MYO3B: variants seen among roughly 807,000 people sequenced by gnomAD.
MYO3B encodes myosin IIIB.
A neutral mutation model predicts 174.6 loss-of-function variants in MYO3B; 156 were observed. The ratio of observed to expected loss-of-function variants is 0.89; its 90% CI spans 0.78 to 1.02. The LOEUF is 1.02. Ranked by LOEUF, MYO3B falls within the 50% of genes least tolerant of loss-of-function variation. The pLI, the probability that MYO3B is intolerant of heterozygous loss-of-function variation, is 0.00. For missense variants in MYO3B, 1,632 were observed against 1,639.4 expected (o/e 1.00, Z 0.08); for synonymous variants, 563 against 569.1 (o/e 0.99, Z 0.15).
intron 30 of MYO3B, among the ~76,000 whole-genome samples, chr2:170,525,040 C>A (rs376178984): frequency 1.3e-5 from 2 of 152,066 alleles, no homozygotes; most frequent in East Asian, 3.9e-4. Flanking sequence ...TGTCTCTATA[C>A]CTGTCATTGT....
intron 8 of MYO3B, among the ~76,000 whole-genome samples, chr2:170,342,886 T>A (rs73975607): frequency 0.059 from 8,957 of 152,144 alleles, 478 homozygotes; most frequent in African/African-American, 0.14. Context: ...ACCCTTTGCA[T>A]TTGGTCTGTG....
intron 22 of MYO3B, among the ~76,000 whole-genome samples, chr2:170,424,558 A>C (rs1326833504): frequency 1.3e-5 from 2 of 152,246 alleles, no homozygotes; most frequent in East Asian, 3.9e-4. Flanking sequence ...TGGAGGTTGC[A>C]GTGAACCAAG....
At chr2:170,436,336 T>C (rs997696841) in intron 22 of MYO3B, among the ~76,000 whole-genome samples, 2 of 152,180 alleles carry the variant, frequency 1.3e-5, no homozygotes, top group African/African-American at 4.8e-5. Flanking sequence ...ATGGAAACTT[T>C]GGTTATGTTT....
intron 30 of MYO3B, among the ~76,000 whole-genome samples, chr2:170,522,519 C>T (rs1295661565): frequency 6.6e-6 from 1 of 152,238 alleles, no homozygotes; most frequent in African/African-American, 2.4e-5. Context: ...TCATTTCTCA[C>T]ACCTGATCAA....
rs2094504216 is a variant in MYO3B, at chr2:170,405,569, G to A, written c.2456G>A (p.Cys819Tyr). ...GATAAATTTGAAGATAATCTACGAT[G>A]CAAATACTTCTGGAGGCCCAAAGGA... ...LVDKFEDNLR[C>Y]KYFWRPKGVE... The change falls in exon 21 of 35, where the codon TGC becomes TAC. Residue 819 changes from cysteine (C) to tyrosine (Y), a missense_variant. Transcript: ENST00000408978. 6.2e-7 allele frequency: 1 copy of A among 1,614,124 alleles called. No individual in the cohort carries two copies. The highest frequency in any genetic ancestry group is 1.1e-5 in the South Asian group (1 of 91,068).
At chr2:170,245,286 T>C (rs2093177613) in intron 7 of MYO3B, among the ~76,000 whole-genome samples, 1 of 152,106 alleles carries the variant, frequency 6.6e-6, no homozygotes, top group South Asian at 2.1e-4. Context: ...TGGTGAACTG[T>C]ATAGGCTGAA....
At chr2:170,407,541 A>T (rs1167567644) in intron 21 of MYO3B, among the ~76,000 whole-genome samples, 174 bp from the exon 22 acceptor site, 1 of 140,564 alleles carries the variant, frequency 7.1e-6, no homozygotes, top group Non-Finnish European at 1.6e-5. Flanking sequence ...AAGTTAAGAT[A>T]AACTGGTCTG....
intron 32 of MYO3B, among the ~76,000 whole-genome samples, chr2:170,566,520 G>A (rs980523731): frequency 6.6e-6 from 1 of 152,116 alleles, no homozygotes; most frequent in Non-Finnish European, 1.5e-5. Flanking sequence ...TGCTTACCCA[G>A]GTAACTAAAT....
chr2:170,650,160 G>A (rs1698896698), intron 32 of MYO3B, among the ~76,000 whole-genome samples: 1 of 149,448 alleles, frequency 6.7e-6, no homozygotes, highest in Non-Finnish European at 1.5e-5. Flanking sequence ...AGCCTCTCAA[G>A]CAGCTGGGAC....
chr2:170,387,984 G>A (rs1319394023), intron 14 of MYO3B, among the ~76,000 whole-genome samples: 1 of 151,942 alleles, frequency 6.6e-6, no homozygotes, highest in Non-Finnish European at 1.5e-5. Context: ...CACTGGTGTG[G>A]TACATACTAT....
chr2:170,457,435 TTC>T (rs966384232), intron 23 of MYO3B, among the ~76,000 whole-genome samples: 2 of 152,098 alleles, frequency 1.3e-5, no homozygotes, highest in African/African-American at 4.8e-5. Context: ...TACAAAAATC[TTC>T]TTTCTTTATA....
chr2:170,585,073 C>G (rs1693412465), intron 32 of MYO3B, among the ~76,000 whole-genome samples: 1 of 152,170 alleles, frequency 6.6e-6, no homozygotes, highest in South Asian at 2.1e-4. Context: ...AGTCCCACCT[C>G]CAGAGATTCT....
At chr2:170,417,543 G>A in intron 22 of MYO3B, among the ~76,000 whole-genome samples, 1 of 152,216 alleles carries the variant, frequency 6.6e-6, no homozygotes, top group Non-Finnish European at 1.5e-5. Flanking sequence ...GAAATGTATT[G>A]TCCTTGTTCT....
intron 22 of MYO3B, among the ~76,000 whole-genome samples, chr2:170,436,024 C>T (rs2094750820): frequency 6.6e-6 from 1 of 152,200 alleles, no homozygotes. Flanking sequence ...TGTCTTCAGA[C>T]CACTTGTGTC....
intron 7 of MYO3B, among the ~76,000 whole-genome samples, chr2:170,248,594 T>C (rs181117755): frequency 6.6e-6 from 1 of 152,314 alleles, no homozygotes; most frequent in Non-Finnish European, 1.5e-5. Context: ...CTTTTCCAGC[T>C]TCTAGAAGTT....
chr2:170,529,744 C>G (rs940881539), intron 30 of MYO3B, among the ~76,000 whole-genome samples: 26 of 152,120 alleles, frequency 1.7e-4, no homozygotes, highest in Admixed American at 1.5e-3. Context: ...AAAATGGACT[C>G]AAGTGGAAAA....
intron 7 of MYO3B, among the ~76,000 whole-genome samples, chr2:170,304,432 AT>A (rs2093686266): frequency 1.4e-5 from 2 of 144,306 alleles, no homozygotes; most frequent in Admixed American, 1.4e-4. Flanking sequence ...ATTGTTGCTC[AT>A]TTTTTCACTT....
intron 30 of MYO3B, among the ~76,000 whole-genome samples, chr2:170,524,793 G>A (rs1688903166): frequency 6.6e-6 from 1 of 152,076 alleles, no homozygotes; most frequent in East Asian, 1.9e-4. Flanking sequence ...CCTGTGCTGA[G>A]GGTTTTACAC....
chr2:170,573,589 G>A (rs545182749), intron 32 of MYO3B, among the ~76,000 whole-genome samples: 1 of 152,164 alleles, frequency 6.6e-6, no homozygotes, highest in African/African-American at 2.4e-5. Flanking sequence ...ACTTTAGTTG[G>A]CCTTTCATTG....
Sources: gnomAD v4.1 joint callset for allele counts (sites outside exome capture counted in the v4.1 genomes callset) on GRCh38, gnomAD v4.1.1 for gene constraint, MANE v1.5 for transcripts, NCBI Gene and HGNC (gene_info 2026-07-23, HGNC 2026-07-21) for gene names.